Variants in DENND5B observed in about 807,000 individuals in gnomAD.
DENND5B encodes the protein DENN domain-containing protein 5B.
A neutral mutation model predicts 140.6 loss-of-function variants in DENND5B; 34 were observed. The observed-to-expected ratio is 0.24, with a 90% CI of 0.18 to 0.32. DENND5B has a LOEUF of 0.32. Among genes scored for constraint, DENND5B ranks in the 10% least tolerant of loss-of-function variants. The pLI, the probability that DENND5B is intolerant of heterozygous loss-of-function variation, is 1.00. For missense variants in DENND5B, 1,142 were observed against 1,560.2 expected (o/e 0.73, Z 4.52); for synonymous variants, 551 against 562.1 (o/e 0.98, Z 0.28).
intron 1 of DENND5B, among the ~76,000 whole-genome samples, chr12:31,525,657 G>A (rs1189927041): frequency 6.6e-6 from 1 of 152,134 alleles, no homozygotes; most frequent in Non-Finnish European, 1.5e-5. Context: ...TGGTGCATTT[G>A]ATATGTATAC....
chr12:31,461,030 T>C (rs1220382377), intron 3 of DENND5B, among the ~76,000 whole-genome samples: 1 of 152,148 alleles, frequency 6.6e-6, no homozygotes, highest in Non-Finnish European at 1.5e-5. Flanking sequence ...CAGGCCAGTG[T>C]AACATTTTTG....
intron 1 of DENND5B, among the ~76,000 whole-genome samples, chr12:31,514,834 A>AT (rs35733505): frequency 0.4 from 60,472 of 150,246 alleles, 12,546 homozygotes; most frequent in East Asian, 0.57. Flanking sequence ...AAAAAAAAAA[A>AT]AATTAAGATT....
chr12:31,578,607 T>C (rs966324086), intron 1 of DENND5B, among the ~76,000 whole-genome samples: 7 of 152,178 alleles, frequency 4.6e-5, no homozygotes, highest in Non-Finnish European at 7.3e-5. Context: ...AATAATATCA[T>C]TAGAGGGAAG....
chr12:31,414,875 T>TTG (rs1296939639), intron 12 of DENND5B, among the ~76,000 whole-genome samples: 1 of 145,366 alleles, frequency 6.9e-6, no homozygotes, highest in Non-Finnish European at 1.5e-5. Context: ...TGAGCTGAGA[T>TTG]CACGACACTG....
At chr12:31,491,254 A>G (rs1178737221) in intron 2 of DENND5B, among the ~76,000 whole-genome samples, 1 of 152,082 alleles carries the variant, frequency 6.6e-6, no homozygotes, top group East Asian at 1.9e-4. Context: ...GGAGTTTGAG[A>G]CCAGCCTGGC....
chr12:31,388,909 T>C (rs1940986693), intron 20 of DENND5B, among the ~76,000 whole-genome samples: 1 of 152,220 alleles, frequency 6.6e-6, no homozygotes, highest in Non-Finnish European at 1.5e-5. Flanking sequence ...ATTACCTATC[T>C]ATCTGTCGAG....
chr12:31,426,570 T>A, intron 8 of DENND5B, 146 bp from the exon 9 acceptor site: 1 of 936,104 alleles, frequency 1.1e-6, no homozygotes, highest in Non-Finnish European at 1.5e-6. Context: ...TGTTTTAGTG[T>A]ACTAAAAGAC....
intron 1 of DENND5B, among the ~76,000 whole-genome samples, chr12:31,585,508 G>C (rs1175573457): frequency 1.3e-5 from 2 of 152,308 alleles, no homozygotes; most frequent in South Asian, 2.1e-4. Context: ...AATGCTTGTT[G>C]AATGAGTCAA....
At chr12:31,415,493 A>G (rs1050857076) in intron 11 of DENND5B, 45 bp from the exon 12 acceptor site, 7 of 1,429,966 alleles carry the variant, frequency 4.9e-6, no homozygotes, top group Non-Finnish European at 5.8e-6. Context: ...GTAATAAAAA[A>G]TATACATGGT....
In DENND5B at chr12:31,563,026, G is replaced by A. The variant is rs150135022; in HGVS notation, c.127+27680C>T. Reference sequence around the variant, plus strand: ...ACAATAACTGCACCTAGCTTGGTGAGACAGATGGAGAGCCTGCAAAGTCTA... The same window carrying A: ...ACAATAACTGCACCTAGCTTGGTGAAACAGATGGAGAGCCTGCAAAGTCTA... On this transcript the variant is annotated intron_variant, in intron 1 of 20. Transcript: ENST00000389082. 4.1e-3 allele frequency among the ~76,000 whole-genome samples: 627 copies of A among 151,792 alleles called. 4 individuals carry two copies. Among genetic ancestry groups the A allele is most frequent in the African/African-American group, 0.014 (569 of 41,332 alleles).
At chr12:31,527,838 A>G (rs373185938) in intron 1 of DENND5B, among the ~76,000 whole-genome samples, 17 of 152,292 alleles carry the variant, frequency 1.1e-4, no homozygotes, top group South Asian at 1.0e-3. Flanking sequence ...AACATCACCT[A>G]TATGGTATTC....
chr12:31,440,589 G>C (rs1005292285), intron 7 of DENND5B, among the ~76,000 whole-genome samples: 5 of 152,196 alleles, frequency 3.3e-5, no homozygotes, highest in East Asian at 1.9e-4. Context: ...CACATTTCTA[G>C]TGAACCATCC....
chr12:31,577,710 C>CA lies in DENND5B; in HGVS notation c.127+12995dup, dbSNP rs35015214. The stretch of plus-strand genomic sequence containing the variant: ...TGGGCGACAGAACGAGACTCTGTCT[C>CA]AAAAAAAAAAAAAAAAAAAAAAAAA... On this transcript the variant is annotated intron_variant, in intron 1 of 20. Coordinates refer to ENST00000389082, the MANE Select transcript of DENND5B (RefSeq NM_144973.4). 3.7e-3 allele frequency among the ~76,000 whole-genome samples: 264 copies of CA among 70,470 alleles called. 4 individuals are homozygous for CA. Among genetic ancestry groups the CA allele is most frequent in the African/African-American group, 6.3e-3 (115 of 18,294 alleles). The allele number at this position is 70,470 out of a possible 152,430, so 46.2% of individuals were successfully genotyped here. A position where few individuals can be genotyped will look rare whatever the true frequency, so the allele number is the denominator to read the frequency against.
intron 3 of DENND5B, among the ~76,000 whole-genome samples, chr12:31,472,127 C>T (rs1945589151): frequency 6.6e-6 from 1 of 152,282 alleles, no homozygotes; most frequent in Non-Finnish European, 1.5e-5. Context: ...GCTTCAAAAT[C>T]TAACATTACG....
intron 4 of DENND5B, among the ~76,000 whole-genome samples, chr12:31,456,891 CAA>C (rs1173343553): frequency 1.3e-5 from 2 of 152,100 alleles, no homozygotes; most frequent in Non-Finnish European, 1.5e-5. Flanking sequence ...CCAGCCTGGG[CAA>C]TGTAGTGAGA....
chr12:31,430,467 C>T (rs928808438), intron 8 of DENND5B, among the ~76,000 whole-genome samples: 8 of 118,146 alleles, frequency 6.8e-5, no homozygotes, highest in Non-Finnish European at 1.2e-4. Context: ...TCCTGGCCAA[C>T]ATGGTGAAAC....
intron 12 of DENND5B, among the ~76,000 whole-genome samples, chr12:31,414,496 G>C (rs1347490164): frequency 6.6e-6 from 1 of 151,858 alleles, no homozygotes; most frequent in East Asian, 1.9e-4. Flanking sequence ...GGTGTTTAAG[G>C]GAGTTTTAAA....
chr12:31,517,103 G>GA (rs952231118), intron 1 of DENND5B, among the ~76,000 whole-genome samples: 24 of 149,284 alleles, frequency 1.6e-4, no homozygotes, highest in South Asian at 1.1e-3. Flanking sequence ...TTCGGCTGGG[G>GA]AAAAAAAAAC....
At chr12:31,528,817 T>C (rs1455193278) in intron 1 of DENND5B, among the ~76,000 whole-genome samples, 4 of 152,122 alleles carry the variant, frequency 2.6e-5, no homozygotes, top group African/African-American at 9.7e-5. Flanking sequence ...AGGTCTGAGC[T>C]AGAGAGGTAG....
Sources: gnomAD v4.1 joint callset for allele counts (sites outside exome capture counted in the v4.1 genomes callset) on GRCh38, gnomAD v4.1.1 for gene constraint, MANE v1.5 for transcripts, NCBI Gene and HGNC (gene_info 2026-07-23, HGNC 2026-07-21) for gene names.